Variants in DPY19L1 observed in about 807,000 individuals in gnomAD.
DPY19L1 encodes protein C-mannosyl-transferase DPY19L1.
DPY19L1 carries 35 observed loss-of-function variants against 96.9 expected under a neutral mutation model. The observed-to-expected ratio is 0.36, with a 90% CI of 0.28 to 0.48. DPY19L1 has a LOEUF of 0.48. Among genes scored for constraint, DPY19L1 ranks in the 20% least tolerant of loss-of-function variants. DPY19L1 has a pLI of 0.99. For synonymous variants in DPY19L1, 205 were observed against 252.6 expected (o/e 0.81, Z 1.79); for missense variants, 521 against 777.9 (o/e 0.67, Z 3.93).
Position 35,027,668 on chromosome 7 carries a change from T to TAAAAAAAAAAAAAA in DPY19L1, c.299-9086_299-9073dup, listed in dbSNP as rs57262214. Among the ~76,000 whole-genome samples the TAAAAAAAAAAAAAA allele has an allele frequency of 2.2e-4, 16 of 71,378 alleles. 2 individuals are homozygous for TAAAAAAAAAAAAAA. The highest frequency in any genetic ancestry group is 4.9e-4 in the South Asian group (1 of 2,058). 46.8% of individuals were successfully genotyped at this position (71,378 alleles called of 152,430 possible). Reference sequence around the variant, plus strand: ...CAACATGGCAAAACCCCGTCTCTACTAAAAAAAAAAAAAAAAAAAATTAGT... The same window carrying TAAAAAAAAAAAAAA: ...CAACATGGCAAAACCCCGTCTCTACTAAAAAAAAAAAAAAAAAAAAAAAAAAAAAAAAAATTAGT... On this transcript the variant is annotated intron_variant, in intron 1 of 21. Transcript: ENST00000638088.
chr7:34,983,143 T>C (rs1784976061), intron 7 of DPY19L1, among the ~76,000 whole-genome samples: 1 of 152,212 alleles, frequency 6.6e-6, no homozygotes. Context: ...TCTTCCTAGG[T>C]GCTTGACATA....
intron 6 of DPY19L1, among the ~76,000 whole-genome samples, chr7:34,991,941 C>A (rs1019595371): frequency 8.6e-5 from 13 of 152,012 alleles, no homozygotes; most frequent in African/African-American, 3.1e-4. Flanking sequence ...TCCATATTAC[C>A]GGGCATATAA....
At chr7:35,001,033 C>T (rs1037786248) in intron 6 of DPY19L1, among the ~76,000 whole-genome samples, 4 of 152,126 alleles carry the variant, frequency 2.6e-5, no homozygotes, top group Non-Finnish European at 5.9e-5. Flanking sequence ...TCTGTGACCT[C>T]GGAAAAGTTA....
At chr7:34,945,776 T>C in intron 15 of DPY19L1, 60 bp from the exon 16 acceptor site, 2 of 1,142,568 alleles carry the variant, frequency 1.8e-6, no homozygotes, top group Non-Finnish European at 2.6e-6. Context: ...ATATTTTAAA[T>C]AAAGTATCTT....
At chr7:35,027,012 T>A (rs1460784319) in intron 1 of DPY19L1, among the ~76,000 whole-genome samples, 1 of 151,858 alleles carries the variant, frequency 6.6e-6, no homozygotes, top group Non-Finnish European at 1.5e-5. Context: ...CTGGCCAACA[T>A]GATGAAACCC....
chr7:34,999,621 A>G (rs1354973155), intron 6 of DPY19L1, among the ~76,000 whole-genome samples: 3 of 152,174 alleles, frequency 2.0e-5, no homozygotes, highest in African/African-American at 7.2e-5. Context: ...TCTAGGATGG[A>G]ACCAGAGACA....
intron 1 of DPY19L1, among the ~76,000 whole-genome samples, chr7:35,035,255 A>G (rs1453914867): frequency 6.6e-6 from 1 of 152,142 alleles, no homozygotes; most frequent in African/African-American, 2.4e-5. Flanking sequence ...ACAATCTACC[A>G]CATTCACTGT....
intron 21 of DPY19L1, among the ~76,000 whole-genome samples, chr7:34,932,642 T>C (rs914705153): frequency 9.9e-5 from 15 of 152,210 alleles, no homozygotes; most frequent in African/African-American, 3.1e-4. Context: ...AAACACATAA[T>C]TAAATCTCAA....
At chr7:34,997,852 C>A (rs935195219) in intron 6 of DPY19L1, among the ~76,000 whole-genome samples, 3 of 152,074 alleles carry the variant, frequency 2.0e-5, no homozygotes, top group African/African-American at 7.2e-5. Context: ...AAAACTAATA[C>A]AAAACACTAT....
chr7:35,024,779 TAA>T (rs1318758987), intron 1 of DPY19L1, among the ~76,000 whole-genome samples: 1 of 152,240 alleles, frequency 6.6e-6, no homozygotes, highest in Non-Finnish European at 1.5e-5. Flanking sequence ...ATCCTAGCTA[TAA>T]TACCACGATT....
intron 4 of DPY19L1, among the ~76,000 whole-genome samples, chr7:35,012,730 G>GA (rs879472249): frequency 1.4e-5 from 2 of 140,046 alleles, no homozygotes; most frequent in Non-Finnish European, 3.3e-5. Flanking sequence ...TTTCTGTATA[G>GA]AAAAAAATAC....
intron 7 of DPY19L1, among the ~76,000 whole-genome samples, chr7:34,986,014 T>C (rs1489201654): frequency 6.6e-6 from 1 of 151,978 alleles, no homozygotes; most frequent in Non-Finnish European, 1.5e-5. Flanking sequence ...ACACTATGAA[T>C]GGAACTGACA....
intron 11 of DPY19L1, among the ~76,000 whole-genome samples, chr7:34,957,030 A>T (rs992685740): frequency 7.9e-5 from 12 of 152,214 alleles, no homozygotes; most frequent in Admixed American, 1.3e-4. Context: ...AAACATTTTA[A>T]TGGAAATCCA....
rs200425844 is a variant in DPY19L1, at chr7:34,976,528, G to GT, written c.823-2924dup. 2.9e-3 allele frequency among the ~76,000 whole-genome samples: 449 copies of GT among 152,342 alleles called. 3 individuals carry two copies. Among genetic ancestry groups the GT allele is most frequent in the African/African-American group, 0.011 (439 of 41,592 alleles). ...TGACATAAACTTAGTTGCTAAAGCAGTGGCAGGGTTTGGGAGGACTGACTC... is the reference window on the plus strand; with the variant it reads ...TGACATAAACTTAGTTGCTAAAGCAGTTGGCAGGGTTTGGGAGGACTGACTC... On this transcript the variant is annotated intron_variant, in intron 7 of 21. Coordinates refer to ENST00000638088, the MANE Select transcript of DPY19L1 (RefSeq NM_001366673.1).
intron 21 of DPY19L1, 34 bp from the exon 22 acceptor site, chr7:34,931,763 A>G (rs777897389): frequency 2.5e-6 from 4 of 1,568,980 alleles, no homozygotes; most frequent in African/African-American, 1.4e-5. Context: ...AAAAATCAAT[A>G]TGCATTATAT....
At chr7:34,953,301 G>C (rs1784306718) in intron 13 of DPY19L1, among the ~76,000 whole-genome samples, 2 of 152,128 alleles carry the variant, frequency 1.3e-5, no homozygotes, top group South Asian at 4.2e-4. Flanking sequence ...ATAGTTTATA[G>C]CATCTTTTTT....
intron 14 of DPY19L1, among the ~76,000 whole-genome samples, chr7:34,948,055 T>C (rs1267860051): frequency 1.3e-5 from 2 of 152,114 alleles, no homozygotes; most frequent in South Asian, 2.1e-4. Context: ...GTATATTTTG[T>C]GGGGGATAAA....
At chr7:35,031,978 T>C (rs1786271357) in intron 1 of DPY19L1, among the ~76,000 whole-genome samples, 1 of 152,198 alleles carries the variant, frequency 6.6e-6, no homozygotes, top group East Asian at 1.9e-4. Context: ...ATGTGTCTGT[T>C]TGAAAGCAAG....
intron 3 of DPY19L1, among the ~76,000 whole-genome samples, chr7:35,016,225 T>G (rs1029997303): frequency 1.1e-4 from 17 of 152,122 alleles, no homozygotes; most frequent in Non-Finnish European, 2.2e-4. Context: ...TACCTGAAAG[T>G]AAGGAAGCCA....
Sources: gnomAD v4.1 joint callset for allele counts (sites outside exome capture counted in the v4.1 genomes callset) on GRCh38, gnomAD v4.1.1 for gene constraint, MANE v1.5 for transcripts, NCBI Gene and HGNC (gene_info 2026-07-23, HGNC 2026-07-21) for gene names.